ZC3HC1: variants seen among roughly 807,000 people sequenced by gnomAD.
The protein encoded by ZC3HC1 is zinc finger C3HC-type containing 1.
A neutral mutation model predicts 61.9 loss-of-function variants in ZC3HC1; 38 were observed. The observed-to-expected ratio is 0.61, with a 90% CI of 0.47 to 0.81. ZC3HC1 has a LOEUF of 0.81. ZC3HC1 is among the 30% of genes least tolerant of loss of function. The pLI, the probability that ZC3HC1 is intolerant of heterozygous loss-of-function variation, is 0.00. For synonymous variants in ZC3HC1, 213 were observed against 229.9 expected, an observed-to-expected ratio of 0.93 and a Z score of 0.67; for missense variants, 554 against 622.7, an observed-to-expected ratio of 0.89 and a Z score of 1.17.
chr7:130,039,417 C>T (rs760633643), intron 4 of ZC3HC1, 47 bp downstream of exon 4: 1 of 1,439,804 alleles, frequency 6.9e-7, no homozygotes, highest in South Asian at 1.2e-5. Context: ...ATTAGAAATG[C>T]AATGATGAAG....
intron 2 of ZC3HC1, among the ~76,000 whole-genome samples, chr7:130,045,730 A>C (rs1277061829): frequency 6.6e-6 from 1 of 151,710 alleles, no homozygotes; most frequent in Non-Finnish European, 1.5e-5. Context: ...GGTGAAACTA[A>C]AAATACAAAA....
chr7:130,035,788 C>A (rs983777831), intron 4 of ZC3HC1, among the ~76,000 whole-genome samples: 1 of 152,128 alleles, frequency 6.6e-6, no homozygotes, highest in African/African-American at 2.4e-5. Flanking sequence ...CGCCACTTTG[C>A]CTTTTTTCTT....
Position 130,039,438 on chromosome 7 carries a change from G to C in ZC3HC1, c.493+26C>G, listed in dbSNP as rs73479695. The C allele has an allele frequency of 4.8e-3, 7,585 of 1,578,652 alleles. 311 individuals carry two copies. In the African/African-American group the frequency reaches 0.09, roughly 19 times the overall value. ...AATGCAATGATGAAGGAAAAATGGT[G>C]AACAGGAATTCTCAAAAATAAGTAC... On this transcript the variant is annotated intron_variant, in intron 4 of 9. Transcript: ENST00000358303.
At chr7:130,050,752 C>A (rs970690663) in intron 1 of ZC3HC1, among the ~76,000 whole-genome samples, 1 of 152,178 alleles carries the variant, frequency 6.6e-6, no homozygotes, top group African/African-American at 2.4e-5. Context: ...ATTATGGACT[C>A]TTTAATAAAA....
intron 4 of ZC3HC1, among the ~76,000 whole-genome samples, chr7:130,035,757 C>G (rs1010036693): frequency 6.6e-6 from 1 of 152,204 alleles, no homozygotes; most frequent in Non-Finnish European, 1.5e-5. Context: ...GCTGGAATCA[C>G]AGGTGTGAGC....
At chr7:130,039,428 GA>G in intron 4 of ZC3HC1, 35 bp downstream of exon 4, 8 of 1,538,036 alleles carry the variant, frequency 5.2e-6, no homozygotes, top group South Asian at 1.2e-5. Context: ...AATGATGAAG[GA>G]AAAATGGTGA....
chr7:130,034,831 G>A (rs1396235156), intron 4 of ZC3HC1, among the ~76,000 whole-genome samples: 2 of 152,032 alleles, frequency 1.3e-5, no homozygotes, highest in African/African-American at 4.8e-5. Flanking sequence ...TCTAAGTTTA[G>A]TTCTTTGCCT....
Position 130,022,350 on chromosome 7 carries a change from T to C in ZC3HC1, c.1409A>G (p.Gln470Arg). Reference protein sequence around the residue: ...AVLTILLAHKQSSQPAETDSM... With the variant: ...AVLTILLAHKRSSQPAETDSM... Reference sequence around the variant, plus strand: ...GTCCGTTTCAGCTGGCTGGCTAGACTGTTTGTGCGCCAAGAGGATGGTCAG... The same window carrying C: ...GTCCGTTTCAGCTGGCTGGCTAGACCGTTTGTGCGCCAAGAGGATGGTCAG... The change falls in exon 9 of 10, where the codon CAG (glutamine) becomes CGG (arginine). Residue 470 changes from glutamine to arginine, a missense_variant. Gln to Arg is a conservative substitution (Grantham distance 43). Coordinates refer to ENST00000358303, the MANE Select transcript of ZC3HC1 (RefSeq NM_016478.5). The C allele has an allele frequency of 6.2e-7, 1 of 1,613,976 alleles. No individual in the cohort carries two copies. Among genetic ancestry groups the C allele is most frequent in the Non-Finnish European group, 8.5e-7 (1 of 1,179,866 alleles).
chr7:130,019,707 A>C (rs141163447), intron 9 of ZC3HC1, among the ~76,000 whole-genome samples: 2,380 of 152,116 alleles, frequency 0.016, 34 homozygotes, highest in Middle Eastern at 0.02. Context: ...GTCACAATGA[A>C]GAGCAAGTAT....
intron 2 of ZC3HC1, among the ~76,000 whole-genome samples, chr7:130,046,016 T>C (rs1584596489): frequency 1.3e-5 from 2 of 151,860 alleles, no homozygotes. Context: ...TGGATGAAGC[T>C]GGAAGCCACT....
Position 130,051,201 on chromosome 7 carries a change from G to A in ZC3HC1, c.146+20C>T. 1.3e-6 allele frequency: 2 copies of A among 1,595,120 alleles called. No individual in the cohort carries two copies. Among genetic ancestry groups the A allele is most frequent in the Non-Finnish European group, 1.7e-6 (2 of 1,172,566 alleles). ...CTTCAATCTTCCAACGCCGGACCCA[G>A]GGTTAACTCGTGAACTCACGCGTCC... is the stretch of plus-strand genomic sequence containing the variant. On this transcript the variant is annotated intron_variant, in intron 1 of 9. Transcript: ENST00000358303.
chr7:130,049,730 T>G (rs1386584678), intron 1 of ZC3HC1, among the ~76,000 whole-genome samples: 1 of 151,718 alleles, frequency 6.6e-6, no homozygotes, highest in Non-Finnish European at 1.5e-5. Flanking sequence ...TTTTGTATCT[T>G]TAGGACAGAC....
intron 9 of ZC3HC1, among the ~76,000 whole-genome samples, chr7:130,019,177 T>C (rs937969166): frequency 2.6e-5 from 4 of 151,788 alleles, no homozygotes; most frequent in Middle Eastern, 3.4e-3. Context: ...CCTCACCCAG[T>C]AGCTGGGACT....
intron 9 of ZC3HC1, among the ~76,000 whole-genome samples, chr7:130,021,762 T>C (rs1348047402): frequency 6.6e-6 from 1 of 152,076 alleles, no homozygotes; most frequent in African/African-American, 2.4e-5. Context: ...CTACTTGGAG[T>C]CACTTTATTT....
At position 130,051,350 on chromosome 7, in the gene ZC3HC1, T is replaced by A; in HGVS notation, c.17A>T (p.Glu6Val). 1.2e-6 allele frequency: 2 copies of A among 1,612,846 alleles called. No homozygotes were observed. The highest frequency in any genetic ancestry group is 1.7e-6 in the Non-Finnish European group (2 of 1,179,370). Residue 6 changes from glutamate to valine, a missense_variant, in exon 1 of 10, where the codon GAG (glutamate) becomes GTG (valine). Physicochemically the swap from Glu to Val is moderately radical, Grantham distance 121 (BLOSUM62 -2). Coordinates refer to ENST00000358303, the MANE Select transcript of ZC3HC1 (RefSeq NM_016478.5). MAAPC[E>V]GQAFAVGVEK... The stretch of plus-strand genomic sequence containing the variant: ...AACCCCTACGGCAAACGCTTGTCCC[T>A]CACAGGGCGCCGCCATCTTGGTCCG...
intron 6 of ZC3HC1, 84 bp from the exon 7 acceptor site, chr7:130,024,590 C>G (rs1482478299): frequency 6.9e-7 from 1 of 1,447,690 alleles, no homozygotes; most frequent in Admixed American, 2.3e-5. Context: ...TATGCCTTAT[C>G]TCATCCAATT....
chr7:130,047,423 T>G (rs2116777368), intron 2 of ZC3HC1, among the ~76,000 whole-genome samples: 1 of 152,180 alleles, frequency 6.6e-6, no homozygotes, highest in South Asian at 2.1e-4. Flanking sequence ...CAAAAAAAGG[T>G]GTGTGATTTG....
chr7:130,024,557 G>A, intron 6 of ZC3HC1, 51 bp from the exon 7 acceptor site: 1 of 1,560,026 alleles, frequency 6.4e-7, no homozygotes. Context: ...ATTTCCAAAT[G>A]ACTAAGTGCA....
At position 130,023,436 on chromosome 7, in the gene ZC3HC1, GC is replaced by G; in HGVS notation, c.1233+74del. On this transcript the variant is annotated intron_variant, in intron 8 of 9. Transcript: ENST00000358303. The surrounding 1 kb of genome is among the most constrained non-coding windows in gnomAD (Gnocchi z 4.2). Reference sequence around the variant, plus strand: ...TTGGACCACGGAAGGGCTCCTGCCTGCTTCTCCATGCTGCCTAGGGAGGGCC... The same window carrying G: ...TTGGACCACGGAAGGGCTCCTGCCTGTTCTCCATGCTGCCTAGGGAGGGCC... The G allele has an allele frequency of 7.0e-7, 1 of 1,435,096 alleles. No individual in the cohort carries two copies. The allele number at this position is 1,435,096 out of a possible 1,614,324, so 88.9% of individuals were successfully genotyped here.
Sources: gnomAD v4.1 joint callset for allele counts (sites outside exome capture counted in the v4.1 genomes callset) on GRCh38, gnomAD v4.1.1 for gene constraint, Gnocchi (gnomAD v3.1) non-coding constraint, MANE v1.5 for transcripts, NCBI Gene and HGNC (gene_info 2026-07-23, HGNC 2026-07-21) for gene names.